The following DMD variants were observed in gnomAD, a reference collection of about 807,000 sequenced individuals.
DMD encodes mutant dystrophin.
A neutral mutation model predicts 330.1 loss-of-function variants in DMD; 63 were observed. The ratio of observed to expected loss-of-function variants is 0.19; its 90% CI spans 0.16 to 0.24. DMD has a LOEUF of 0.24. Among genes scored for constraint, DMD ranks in the 10% least tolerant of loss-of-function variants. DMD has a pLI of 1.00. For synonymous variants in DMD, 1,223 were observed against 959.8 expected (o/e 1.27, Z -5.07); for missense variants, 3,344 against 2,684.1 (o/e 1.25, Z -5.43).
chrX:32,086,418 C>G (rs1463682727), intron 44 of DMD, among the ~76,000 whole-genome samples: 4 of 112,020 alleles, frequency 3.6e-5, no homozygotes, highest in African/African-American at 1.3e-4. Flanking sequence ...CGCATATTAT[C>G]TTTAATTCAC....
At chrX:32,445,666 T>C (rs2098300550) in intron 27 of DMD, among the ~76,000 whole-genome samples, 1 of 110,480 alleles carries the variant, frequency 9.1e-6, no homozygotes, top group African/African-American at 3.3e-5. Context: ...GTGTAGTTAT[T>C]GGAAAAATAA....
At chrX:31,218,663 T>C (rs937742159) in intron 64 of DMD, among the ~76,000 whole-genome samples, 3 of 111,875 alleles carry the variant, frequency 2.7e-5, no homozygotes, top group Admixed American at 9.5e-5. Flanking sequence ...GTACTAAGCA[T>C]TGGGGATACC....
At chrX:32,860,674 G>A (rs1339018788) in intron 2 of DMD, among the ~76,000 whole-genome samples, 7 of 110,580 alleles carry the variant, frequency 6.3e-5, no homozygotes, top group Non-Finnish European at 1.3e-4. Context: ...GAAAGTACAC[G>A]TCTTAAGTGT....
chrX:33,322,244 C>G (rs971248355), intron 1 of DMD, among the ~76,000 whole-genome samples: 6 of 111,155 alleles, frequency 5.4e-5, no homozygotes, highest in Non-Finnish European at 7.5e-5. Flanking sequence ...ATAATCATCT[C>G]TAGCTTTTCA....
At chrX:33,303,982 C>A (rs2053712137) in intron 1 of DMD, among the ~76,000 whole-genome samples, 1 of 110,799 alleles carries the variant, frequency 9.0e-6, no homozygotes, top group Non-Finnish European at 1.9e-5. Flanking sequence ...ACAAATTTTT[C>A]CATTAAATCA....
intron 44 of DMD, among the ~76,000 whole-genome samples, chrX:32,025,133 G>A (rs1966254): frequency 0.093 from 10,342 of 110,888 alleles, 441 homozygotes; most frequent in African/African-American, 0.15. Context: ...AATAAAACTA[G>A]AATAAGGCAA....
chrX:31,198,365 C>T (rs2043120495), intron 67 of DMD, among the ~76,000 whole-genome samples: 1 of 111,109 alleles, frequency 9.0e-6, no homozygotes, highest in Non-Finnish European at 1.9e-5. Context: ...CCTACAGGTG[C>T]GTGCTACCAT....
At chrX:31,745,330 T>C (rs1233446430) in intron 51 of DMD, among the ~76,000 whole-genome samples, 1 of 111,043 alleles carries the variant, frequency 9.0e-6, no homozygotes, top group Non-Finnish European at 1.9e-5. Context: ...GGCCAGAATG[T>C]GAGGGCTCAG....
At chrX:31,319,755 T>A (rs182026595) in intron 62 of DMD, among the ~76,000 whole-genome samples, 1 of 112,494 alleles carries the variant, frequency 8.9e-6, no homozygotes, top group East Asian at 2.8e-4. Flanking sequence ...CCTGCATGCA[T>A]GTTTGGGATT....
chrX:33,157,267 C>T (rs779338107), intron 1 of DMD, among the ~76,000 whole-genome samples: 1 of 111,302 alleles, frequency 9.0e-6, no homozygotes, highest in South Asian at 3.9e-4. Flanking sequence ...GTATTGCCAG[C>T]AATCCTTGCC....
rs1057518962 is a variant in DMD, at chrX:32,573,812, C to A, written c.1637G>T (p.Trp546Leu). 1 of 1,211,217 alleles carries A rather than the reference C, an allele frequency of 8.3e-7. No individual in the cohort carries two copies. Among genetic ancestry groups the A allele is most frequent in the South Asian group, 1.8e-5 (1 of 56,923 alleles). Residue 546 changes from tryptophan to leucine, a missense_variant, in exon 14 of 79, where the codon TGG (tryptophan) becomes TTG (leucine). Coordinates refer to ENST00000357033, the MANE Select transcript of DMD (RefSeq NM_004006.3). Reference sequence around the variant, plus strand: ...TAAAAGAACCCAGCGGTCTTCTGTCCATCTACAGATGTTTGCCCATCGATC... The same window carrying A: ...TAAAAGAACCCAGCGGTCTTCTGTCAATCTACAGATGTTTGCCCATCGATC... The part of the protein sequence containing the change: ...LGDRWANICR[W>L]TEDRWVLLQD...
intron 42 of DMD, among the ~76,000 whole-genome samples, chrX:32,288,181 G>A (rs1385238194): frequency 9.0e-6 from 1 of 111,305 alleles, no homozygotes; most frequent in African/African-American, 3.3e-5. Flanking sequence ...TCAACACTTG[G>A]AGGTCTCACG....
intron 52 of DMD, among the ~76,000 whole-genome samples, chrX:31,681,071 C>T (rs1032799147): frequency 3.6e-5 from 4 of 111,006 alleles, no homozygotes; most frequent in Non-Finnish European, 7.5e-5. Flanking sequence ...TTTTTGCCCT[C>T]ACATCCATAA....
chrX:33,011,908 T>C (rs1292367941), intron 2 of DMD, among the ~76,000 whole-genome samples: 1 of 111,647 alleles, frequency 9.0e-6, no homozygotes, highest in Non-Finnish European at 1.9e-5. Flanking sequence ...TTGGTAAATA[T>C]TTACATATGC....
intron 52 of DMD, among the ~76,000 whole-genome samples, chrX:31,716,424 G>A (rs952220022): frequency 9.0e-6 from 1 of 111,098 alleles, no homozygotes; most frequent in Non-Finnish European, 1.9e-5. Flanking sequence ...GGTGGCACGT[G>A]TCTGTAATCC....
At chrX:32,593,721 G>T (rs777922398) in intron 13 of DMD, among the ~76,000 whole-genome samples, 2 of 112,439 alleles carry the variant, frequency 1.8e-5, no homozygotes, top group South Asian at 3.7e-4. Context: ...GATGTGGAAT[G>T]CTTAGAAAGA....
chrX:31,289,822 T>A (rs191727349), intron 62 of DMD, among the ~76,000 whole-genome samples: 1 of 110,762 alleles, frequency 9.0e-6, no homozygotes, highest in African/African-American at 3.3e-5. Context: ...ACTGCTAATT[T>A]ATTTTTTAGT....
At chrX:33,311,812 G>A (rs1408621340) in intron 1 of DMD, among the ~76,000 whole-genome samples, 1 of 110,201 alleles carries the variant, frequency 9.1e-6, no homozygotes, top group Non-Finnish European at 1.9e-5. Flanking sequence ...AAATGGTGCA[G>A]GGAGTTGGAA....
chrX:33,058,039 C>T (rs754876008), intron 1 of DMD, among the ~76,000 whole-genome samples: 3 of 109,690 alleles, frequency 2.7e-5, no homozygotes, highest in Admixed American at 9.8e-5. Context: ...CCACCACACA[C>T]GGCTAATTTT....
Sources: allele counts gnomAD v4.1 joint callset (sites outside exome capture counted in the v4.1 genomes callset), GRCh38; gene constraint gnomAD v4.1.1; transcripts MANE v1.5; gene names NCBI Gene and HGNC (gene_info 2026-07-23, HGNC 2026-07-21).